The following METTL6 variants were observed in gnomAD, a reference collection of about 807,000 sequenced individuals.
METTL6 encodes methyltransferase 6, tRNA N3-cytidine.
METTL6 carries 22 observed loss-of-function variants against 26.4 expected under a neutral mutation model. That is an observed-to-expected ratio of 0.83 (90% CI 0.59 to 1.19). The LOEUF (loss-of-function observed/expected upper bound fraction) is 1.19. Ranked by LOEUF, METTL6 falls within the 50% of genes most tolerant of loss-of-function variation. The pLI is 0.00. For missense variants in METTL6, 304 were observed against 324.8 expected (o/e 0.94, Z 0.49); for synonymous variants, 109 against 116.2 (o/e 0.94, Z 0.40).
chr3:15,397,983 A>C (rs573952186), intron 6 of METTL6, among the ~76,000 whole-genome samples: 8 of 152,226 alleles, frequency 5.3e-5, no homozygotes, highest in Non-Finnish European at 1.0e-4. Flanking sequence ...GTGATTCAGC[A>C]TGCAAGAAGA....
chr3:15,389,752 T>C (rs1699292720), intron 6 of METTL6, among the ~76,000 whole-genome samples: 1 of 151,948 alleles, frequency 6.6e-6, no homozygotes, highest in South Asian at 2.1e-4. Context: ...TTTCTCCATG[T>C]TGGTCAGGCT....
downstream of METTL6, among the ~76,000 whole-genome samples, chr3:15,405,681 T>C (rs1193454880): frequency 2.6e-5 from 4 of 152,212 alleles, no homozygotes; most frequent in Non-Finnish European, 5.9e-5. Flanking sequence ...TAAACCTTCT[T>C]GAAAAAGACT....
chr3:15,423,030 TG>T (rs1407120252), intron 3 of METTL6, among the ~76,000 whole-genome samples: 1 of 152,216 alleles, frequency 6.6e-6, no homozygotes, highest in East Asian at 1.9e-4. Flanking sequence ...TATAGAAAAT[TG>T]GCTTCATCTG....
At chr3:15,398,983 C>G (rs571965272) in intron 6 of METTL6, among the ~76,000 whole-genome samples, 2 of 152,284 alleles carry the variant, frequency 1.3e-5, no homozygotes, top group African/African-American at 4.8e-5. Context: ...GGTAAAGAAG[C>G]TGGCCAAAAC....
At chr3:15,390,158 T>C (rs1242842694) in intron 6 of METTL6, among the ~76,000 whole-genome samples, 1 of 152,076 alleles carries the variant, frequency 6.6e-6, no homozygotes, top group East Asian at 1.9e-4. Flanking sequence ...GGGGACACAA[T>C]GGGTCACGCC....
intron 6 of METTL6, among the ~76,000 whole-genome samples, chr3:15,403,991 T>C (rs1350963306): frequency 6.6e-6 from 1 of 152,212 alleles, no homozygotes; most frequent in Non-Finnish European, 1.5e-5. Context: ...CGTCGCCATC[T>C]TGGTTTTGCT....
At chr3:15,385,707 A>T (rs181923221) in intron 6 of METTL6, among the ~76,000 whole-genome samples, 4 of 152,154 alleles carry the variant, frequency 2.6e-5, no homozygotes, top group African/African-American at 9.7e-5. Flanking sequence ...AAAAACAAAA[A>T]CAAAAACCAA....
At chr3:15,384,862 C>T (rs747825786) in intron 6 of METTL6, among the ~76,000 whole-genome samples, 5 of 152,176 alleles carry the variant, frequency 3.3e-5, no homozygotes, top group Admixed American at 6.5e-5. Flanking sequence ...CAATTACTGC[C>T]CCTCTTAGAG....
At chr3:15,406,922 G>A (rs745998341), downstream of METTL6, among the ~76,000 whole-genome samples, 1 of 151,934 alleles carries the variant, frequency 6.6e-6, no homozygotes, top group African/African-American at 2.4e-5. Flanking sequence ...GAGCCACCAC[G>A]ACCAGCAGTT....
At chr3:15,404,922 G>T (rs1013163584), downstream of METTL6, among the ~76,000 whole-genome samples, 1 of 152,156 alleles carries the variant, frequency 6.6e-6, no homozygotes, top group Admixed American at 6.5e-5. Flanking sequence ...CTCCCCAATA[G>T]AGAACATGGC....
intron 3 of METTL6, among the ~76,000 whole-genome samples, chr3:15,418,166 T>C (rs1274991812): frequency 6.6e-6 from 1 of 151,948 alleles, no homozygotes; most frequent in Non-Finnish European, 1.5e-5. Context: ...GTAGAAAACA[T>C]CCCAGAAGGC....
intron 6 of METTL6, among the ~76,000 whole-genome samples, chr3:15,389,849 A>ATTTTTTTT (rs58728599): frequency 4.3e-4 from 57 of 132,960 alleles, no homozygotes; most frequent in Middle Eastern, 3.9e-3. Context: ...CGCCCGGCCA[A>ATTTTTTTT]TTTTTTTTTT....
At chr3:15,413,912 C>A in intron 5 of METTL6, 109 bp downstream of exon 5, 2 of 1,569,574 alleles carry the variant, frequency 1.3e-6, no homozygotes, top group Non-Finnish European at 1.7e-6. Flanking sequence ...GTTTCAGGGT[C>A]TCGTGCACAT....
intron 2 of METTL6, 85 bp from the exon 3 acceptor site, chr3:15,425,174 G>C: frequency 1.4e-6 from 2 of 1,453,442 alleles, no homozygotes; most frequent in African/African-American, 1.4e-5. Context: ...GAATATGAGA[G>C]GTCTCCGACC....
At chr3:15,406,006 T>TGC (rs376921467), downstream of METTL6, among the ~76,000 whole-genome samples, 663 of 152,070 alleles carry the variant, frequency 4.4e-3, 5 homozygotes, top group Middle Eastern at 0.037. Context: ...TGTGTGTGTG[T>TGC]ATGTGTATAT....
intron 6 of METTL6, among the ~76,000 whole-genome samples, chr3:15,401,550 A>C (rs1269918661): frequency 6.6e-6 from 1 of 151,550 alleles, no homozygotes; most frequent in Non-Finnish European, 1.5e-5. Flanking sequence ...AAAAAAAAAA[A>C]AAAAAAAGAA....
chr3:15,401,001 T>C (rs1248352465), intron 6 of METTL6, among the ~76,000 whole-genome samples: 1 of 151,938 alleles, frequency 6.6e-6, no homozygotes, highest in Non-Finnish European at 1.5e-5. Context: ...TAGCTGGGAC[T>C]ACAGTCACAC....
At chr3:15,424,282 A>C (rs1409056729) in intron 3 of METTL6, among the ~76,000 whole-genome samples, 3 of 152,166 alleles carry the variant, frequency 2.0e-5, no homozygotes, top group Non-Finnish European at 2.9e-5. Context: ...TTATTTGTTT[A>C]TTTAAAGACA....
chr3:15,395,976 G>C (rs1440317743), intron 6 of METTL6, among the ~76,000 whole-genome samples: 2 of 152,016 alleles, frequency 1.3e-5, no homozygotes, highest in Non-Finnish European at 2.9e-5. Flanking sequence ...ATGTGTCTTG[G>C]AGTTGCTCTT....
Sources: allele counts gnomAD v4.1 joint callset (sites outside exome capture counted in the v4.1 genomes callset), GRCh38; gene constraint gnomAD v4.1.1; transcripts MANE v1.5; gene names NCBI Gene and HGNC (gene_info 2026-07-23, HGNC 2026-07-21).